DENND1A: variants seen among roughly 807,000 people sequenced by gnomAD.
DENND1A encodes the protein DENN domain containing 1A.
In DENND1A, 51 loss-of-function variants were observed where a neutral mutation model predicts 113.7. The observed-to-expected ratio is 0.45, with a 90% confidence interval of 0.36 to 0.57. DENND1A has a LOEUF of 0.57. Among genes scored for constraint, DENND1A ranks in the 20% least tolerant of loss-of-function variants. The probability of loss-of-function intolerance (pLI) is 0.00; values close to 1 mark genes in which losing one functional copy is unlikely to be tolerated. For missense variants in DENND1A, 1,258 were observed against 1,395.9 expected, an observed-to-expected ratio of 0.90 and a Z score of 1.57; for synonymous variants, 565 against 570.8, an observed-to-expected ratio of 0.99 and a Z score of 0.14.
chr9:123,860,719 G>T (rs1339704464), intron 2 of DENND1A, among the ~76,000 whole-genome samples: 1 of 152,176 alleles, frequency 6.6e-6, no homozygotes, highest in Non-Finnish European at 1.5e-5. Flanking sequence ...TTACTCAGTT[G>T]TATCTGCTAA....
At chr9:123,739,769 T>C (rs973405054) in intron 5 of DENND1A, among the ~76,000 whole-genome samples, 4 of 152,034 alleles carry the variant, frequency 2.6e-5, no homozygotes, top group Non-Finnish European at 5.9e-5. Context: ...GGGAAAATCT[T>C]TAGAAAAAAA....
At chr9:123,561,988 C>T (rs567204227) in intron 12 of DENND1A, among the ~76,000 whole-genome samples, 1 of 152,302 alleles carries the variant, frequency 6.6e-6, no homozygotes, top group African/African-American at 2.4e-5. Flanking sequence ...CCCTCTCTGG[C>T]CCAGACTAGT....
chr9:123,712,617 C>T (rs983831352), intron 5 of DENND1A, among the ~76,000 whole-genome samples: 1 of 152,198 alleles, frequency 6.6e-6, no homozygotes, highest in Non-Finnish European at 1.5e-5. Context: ...ATAGACCAGG[C>T]ACCAGATGTA....
At chr9:123,464,617 C>T (rs768849503) in intron 13 of DENND1A, among the ~76,000 whole-genome samples, 13 of 151,974 alleles carry the variant, frequency 8.6e-5, no homozygotes, top group African/African-American at 1.7e-4. Flanking sequence ...TACTGAGTTT[C>T]GGTTTCGCCA....
intron 2 of DENND1A, among the ~76,000 whole-genome samples, chr9:123,818,938 A>G (rs574907165): frequency 1.3e-5 from 2 of 152,356 alleles, no homozygotes; most frequent in South Asian, 2.1e-4. Context: ...ATTAAAAGTC[A>G]TATCATAGAA....
intron 1 of DENND1A, among the ~76,000 whole-genome samples, chr9:123,905,115 T>C (rs1255224567): frequency 6.6e-6 from 1 of 151,170 alleles, no homozygotes; most frequent in Non-Finnish European, 1.5e-5. Context: ...CTAAGCTTCG[T>C]AAGTGAAGGA....
intron 2 of DENND1A, among the ~76,000 whole-genome samples, chr9:123,828,866 G>A (rs1433667500): frequency 6.6e-6 from 1 of 152,168 alleles, no homozygotes; most frequent in African/African-American, 2.4e-5. Flanking sequence ...CTAAAACTCT[G>A]AGTTCCCAAA....
chr9:123,709,868 G>A (rs962922265), intron 5 of DENND1A, among the ~76,000 whole-genome samples: 2 of 152,166 alleles, frequency 1.3e-5, no homozygotes, highest in African/African-American at 4.8e-5. Flanking sequence ...AATGGGAAGA[G>A]GGGTATTGGA....
intron 2 of DENND1A, among the ~76,000 whole-genome samples, chr9:123,804,839 T>C (rs1835273429): frequency 6.6e-6 from 1 of 152,226 alleles, no homozygotes; most frequent in Non-Finnish European, 1.5e-5. Flanking sequence ...AATAGCTTCC[T>C]AACAGGTTTT....
chr9:123,474,150 A>C (rs573757216), intron 13 of DENND1A, among the ~76,000 whole-genome samples: 2 of 151,948 alleles, frequency 1.3e-5, no homozygotes, highest in South Asian at 4.2e-4. Flanking sequence ...ATGCACCACC[A>C]TGCCGAGCTA....
intron 13 of DENND1A, among the ~76,000 whole-genome samples, chr9:123,535,301 C>A (rs1007801209): frequency 6.6e-6 from 1 of 152,196 alleles, no homozygotes; most frequent in African/African-American, 2.4e-5. Context: ...ACTCTCACAG[C>A]TGGGCATGGT....
chr9:123,826,363 A>G (rs1839329489), intron 2 of DENND1A, among the ~76,000 whole-genome samples: 1 of 152,114 alleles, frequency 6.6e-6, no homozygotes, highest in South Asian at 2.1e-4. Flanking sequence ...TGATCACTCC[A>G]CTGCACTACA....
chr9:123,580,798 C>T (rs17286621), intron 12 of DENND1A, among the ~76,000 whole-genome samples: 6,646 of 152,294 alleles, frequency 0.044, 184 homozygotes, highest in South Asian at 0.058. Flanking sequence ...ATTCTCACAC[C>T]TCACAGGTCC....
At chr9:123,916,526 C>T (rs1207856809) in intron 1 of DENND1A, among the ~76,000 whole-genome samples, 3 of 152,034 alleles carry the variant, frequency 2.0e-5, no homozygotes, top group African/African-American at 4.8e-5. Context: ...GCATGTGCCA[C>T]CACGCCCAGC....
chr9:123,816,905 T>C (rs182699987), intron 2 of DENND1A, among the ~76,000 whole-genome samples: 158 of 152,288 alleles, frequency 1.0e-3, no homozygotes, highest in African/African-American at 3.6e-3. Context: ...GCGAACTCCA[T>C]TCCTATACCT....
intron 13 of DENND1A, among the ~76,000 whole-genome samples, chr9:123,468,002 G>T (rs757847950): frequency 6.6e-6 from 1 of 152,150 alleles, no homozygotes. Flanking sequence ...TCATTCAGAT[G>T]AAGAGGACCT....
chr9:123,590,059 C>G (rs2059386017), intron 11 of DENND1A, among the ~76,000 whole-genome samples: 1 of 152,154 alleles, frequency 6.6e-6, no homozygotes, highest in Non-Finnish European at 1.5e-5. Flanking sequence ...AGCATAATTC[C>G]CAGAATAGCC....
chr9:123,837,358 G>T (rs1841190951), intron 2 of DENND1A, among the ~76,000 whole-genome samples: 1 of 151,952 alleles, frequency 6.6e-6, no homozygotes, highest in East Asian at 1.9e-4. Context: ...CAACAAACCA[G>T]GTCAAGTTAA....
At chr9:123,585,979 C>A (rs1382691908) in intron 11 of DENND1A, among the ~76,000 whole-genome samples, 1 of 152,128 alleles carries the variant, frequency 6.6e-6, no homozygotes, top group African/African-American at 2.4e-5. Context: ...CACAGCCAGT[C>A]TGGAAGGCTG....
Sources: allele counts gnomAD v4.1 joint callset (sites outside exome capture counted in the v4.1 genomes callset), GRCh38; gene constraint gnomAD v4.1.1; transcripts MANE v1.5; gene names NCBI Gene and HGNC (gene_info 2026-07-23, HGNC 2026-07-21).